The following YBEY variants were observed in gnomAD, a reference collection of about 807,000 sequenced individuals.
YBEY encodes the protein endoribonuclease YbeY.
Under a neutral mutation model 13.5 loss-of-function variants are expected in YBEY, and 15 were observed. The ratio of observed to expected loss-of-function variants is 1.11; its 90% CI spans 0.75 to 1.72. The LOEUF (loss-of-function observed/expected upper bound fraction) is 1.72. Among genes scored for constraint, YBEY ranks in the 40% most tolerant of loss-of-function variants. The pLI, the probability that YBEY is intolerant of heterozygous loss-of-function variation, is 0.00. For synonymous variants in YBEY, 101 were observed against 83.1 expected, an observed-to-expected ratio of 1.21 and a Z score of -1.17; for missense variants, 244 against 208.4, an observed-to-expected ratio of 1.17 and a Z score of -1.05.
Position 46,297,657 on chromosome 21 carries a change from GGGACGCGGGAGGGGTGGAGGCT to G in YBEY, c.*25_*46del. The G allele has an allele frequency of 3.1e-6, 4 of 1,288,348 alleles. No homozygotes were observed. The highest frequency in any genetic ancestry group is 4.0e-6 in the Non-Finnish European group (4 of 1,006,290). 79.8% of individuals were successfully genotyped at this position (1,288,348 alleles called of 1,614,324 possible). ...TGAGGGCCGCGTTCCTTCTGAAAGCGGGACGCGGGAGGGGTGGAGGCTGCGGGGAGCCGGGGTCGCACACGAA... is the reference window on the plus strand; with the variant it reads ...TGAGGGCCGCGTTCCTTCTGAAAGCGGCGGGGAGCCGGGGTCGCACACGAA... On this transcript the variant is annotated 3_prime_UTR_variant, in exon 5 of 5. Transcript: ENST00000397701.
chr21:46,297,656 C>A lies in YBEY; in HGVS notation c.*22C>A. 7.8e-7 allele frequency: 1 copy of A among 1,286,682 alleles called. No homozygotes were observed. The highest frequency in any genetic ancestry group is 9.9e-7 in the Non-Finnish European group (1 of 1,005,388). 79.7% of individuals were successfully genotyped at this position (1,286,682 alleles called of 1,614,324 possible). On this transcript the variant is annotated 3_prime_UTR_variant, in exon 5 of 5. Transcript: ENST00000397701. ...CTGAGGGCCGCGTTCCTTCTGAAAG[C>A]GGGACGCGGGAGGGGTGGAGGCTGC...
chr21:46,290,901 C>T (rs1002024470), intron 2 of YBEY, among the ~76,000 whole-genome samples: 11 of 151,410 alleles, frequency 7.3e-5, no homozygotes, highest in African/African-American at 2.4e-4. Flanking sequence ...CAAAATTAGC[C>T]GGGCGTGGTG....
At chr21:46,297,333 C>CCGGCCTGTGGCGGTT (rs2081986407) in intron 4 of YBEY, among the ~76,000 whole-genome samples, 1 of 150,748 alleles carries the variant, frequency 6.6e-6, no homozygotes, top group Non-Finnish European at 1.5e-5. Flanking sequence ...GCTTATTCTC[C>CCGGCCTGTGGCGGTT]CGGCCTGTGG....
intron 1 of YBEY, 150 bp from the exon 2 acceptor site, chr21:46,286,717 CGTT>C (rs2145743581): frequency 7.1e-6 from 4 of 567,110 alleles, no homozygotes; most frequent in South Asian, 6.7e-5. Flanking sequence ...CATAGACCCT[CGTT>C]GTTGCTTCCT....
intron 2 of YBEY, among the ~76,000 whole-genome samples, chr21:46,289,224 A>G (rs1278828370): frequency 6.6e-6 from 1 of 152,168 alleles, no homozygotes; most frequent in Non-Finnish European, 1.5e-5. Context: ...CCATGTGATG[A>G]TTTAACTCTG....
downstream of YBEY, chr21:46,297,899 G>A (rs545528130): frequency 1.3e-3 from 907 of 713,240 alleles, 2 homozygotes; most frequent in Admixed American, 2.5e-3. Context: ...GTCCCTGCCC[G>A]GAGCCTGCGC....
At position 46,297,585 on chromosome 21, in the gene YBEY, C is replaced by G; in HGVS notation, c.455C>G (p.Thr152Arg). 2 of 1,386,284 alleles carry G rather than the reference C, an allele frequency of 1.4e-6. No homozygotes were observed. The highest frequency in any genetic ancestry group is 9.5e-7 in the Non-Finnish European group (1 of 1,055,524). The allele number at this position is 1,386,284 out of a possible 1,614,324, so 85.9% of individuals were successfully genotyped here. The change falls in exon 5 of 5, where the codon ACG becomes AGG. Residue 152 changes from threonine to arginine, a missense_variant. Thr to Arg is a moderately conservative substitution (Grantham distance 71). Coordinates refer to ENST00000397701, the MANE Select transcript of YBEY (RefSeq NM_001314025.2). ...KAVLDELGRR[T>R]GTRLQPLTRG... ...GTGCTGGACGAGCTGGGCCGACGCA[C>G]GGGGACCCGGCTGCAGCCCCTGACC... is the stretch of plus-strand genomic sequence containing the variant.
the YBEY span, among the ~76,000 whole-genome samples, chr21:46,310,068 C>T: frequency 6.6e-6 from 1 of 152,114 alleles, no homozygotes; most frequent in Non-Finnish European, 1.5e-5. Flanking sequence ...AGCTGCTCAG[C>T]AGTTGCATGG....
chr21:46,309,735 G>A, the YBEY span, among the ~76,000 whole-genome samples: 1 of 152,096 alleles, frequency 6.6e-6, no homozygotes, highest in Non-Finnish European at 1.5e-5. Context: ...GGTGGCCCAC[G>A]CCTATAATCC....
intron 1 of YBEY, chr21:46,286,624 C>G (rs944090111): frequency 7.9e-6 from 2 of 253,006 alleles, no homozygotes; most frequent in Non-Finnish European, 1.5e-5. Flanking sequence ...CGCGCACCCC[C>G]AACCCGCCCC....
intron 4 of YBEY, among the ~76,000 whole-genome samples, chr21:46,296,846 T>C (rs970199099): frequency 2.0e-5 from 3 of 151,238 alleles, no homozygotes; most frequent in African/African-American, 4.9e-5. Flanking sequence ...AATACAAAAT[T>C]AGCTGGGCCT....
At chr21:46,296,254 A>T (rs775234910) in intron 4 of YBEY, 24 bp downstream of exon 4, 2 of 1,612,314 alleles carry the variant, frequency 1.2e-6, no homozygotes, top group Non-Finnish European at 1.7e-6. Flanking sequence ...CCATCCCACT[A>T]CCGAGGGGGT....
downstream of YBEY, among the ~76,000 whole-genome samples, chr21:46,298,596 A>G (rs1192203800): frequency 6.6e-6 from 1 of 150,420 alleles, no homozygotes. Flanking sequence ...CGCCCGGCTA[A>G]TTTTTTGTAT....
downstream of YBEY, chr21:46,300,930 T>C (rs1424941642): frequency 1.2e-6 from 1 of 824,690 alleles, no homozygotes; most frequent in Non-Finnish European, 1.7e-6. Context: ...AGGTAGCCTG[T>C]CCACATGGTA....
At chr21:46,306,230 C>T in the YBEY span, among the ~76,000 whole-genome samples, 5 of 152,034 alleles carry the variant, frequency 3.3e-5, no homozygotes, top group East Asian at 1.9e-4. Context: ...AAGGTAGGGC[C>T]GGGCATGGTG....
At chr21:46,295,017 G>A (rs983421893) in intron 3 of YBEY, among the ~76,000 whole-genome samples, 1 of 152,164 alleles carries the variant, frequency 6.6e-6, no homozygotes, top group African/African-American at 2.4e-5. Flanking sequence ...TGGGGAAGAG[G>A]GAGTTTCTGA....
intron 3 of YBEY, among the ~76,000 whole-genome samples, chr21:46,292,614 CAG>C (rs1569099056): frequency 4.8e-5 from 5 of 104,272 alleles, no homozygotes; most frequent in African/African-American, 1.4e-4. Context: ...GCCCGGGACT[CAG>C]TGGGGACAGC....
At chr21:46,295,851 T>A (rs1310964419) in intron 3 of YBEY, among the ~76,000 whole-genome samples, 2 of 137,134 alleles carry the variant, frequency 1.5e-5, no homozygotes, top group African/African-American at 5.5e-5. Context: ...TCCCCACTTC[T>A]TCATATTCCA....
chr21:46,297,716 T>A lies in YBEY; in HGVS notation c.*82T>A. 2 of 1,255,272 alleles carry A rather than the reference T, an allele frequency of 1.6e-6. No homozygotes were observed. The highest frequency in any genetic ancestry group is 2.0e-6 in the Non-Finnish European group (2 of 991,566). 77.8% of individuals were successfully genotyped at this position (1,255,272 alleles called of 1,614,324 possible). A position where few individuals can be genotyped will look rare whatever the true frequency, so the allele number is the denominator to read the frequency against. On this transcript the variant is annotated 3_prime_UTR_variant, in exon 5 of 5. Transcript: ENST00000397701. ...GGGTCGCACACGAATAAATAACGAA[T>A]GAACGTACGAGGGGAACCTCCTCTT...
Sources: gnomAD v4.1 joint callset for allele counts (sites outside exome capture counted in the v4.1 genomes callset) on GRCh38, gnomAD v4.1.1 for gene constraint, MANE v1.5 for transcripts, NCBI Gene and HGNC (gene_info 2026-07-23, HGNC 2026-07-21) for gene names.